The following LYPLAL1 variants were observed in gnomAD, a reference collection of about 807,000 sequenced individuals.
LYPLAL1 encodes the protein lysophospholipase-like protein 1.
LYPLAL1 carries 23 observed loss-of-function variants against 19.7 expected under a neutral mutation model. That is an observed-to-expected ratio of 1.17 (90% CI 0.84 to 1.65). The LOEUF is 1.65. Among genes scored for constraint, LYPLAL1 ranks in the 40% most tolerant of loss-of-function variants. The pLI is 0.00. For missense variants in LYPLAL1, 355 were observed against 279.4 expected, an observed-to-expected ratio of 1.27 and a Z score of -1.93; for synonymous variants, 119 against 96.3, an observed-to-expected ratio of 1.24 and a Z score of -1.38.
At chr1:219,406,910 A>G in the LYPLAL1 span, among the ~76,000 whole-genome samples, 435 of 152,344 alleles carry the variant, frequency 2.9e-3, 1 homozygote, top group Middle Eastern at 6.8e-3. Context: ...ATAAAATGAG[A>G]AGGATCTTAA....
At chr1:219,385,736 A>G in the LYPLAL1 span, among the ~76,000 whole-genome samples, 1 of 152,164 alleles carries the variant, frequency 6.6e-6, no homozygotes, top group South Asian at 2.1e-4. Flanking sequence ...AGAAATAAAG[A>G]TAAACAGAGT....
the LYPLAL1 span, among the ~76,000 whole-genome samples, chr1:219,393,201 A>G: frequency 2.6e-5 from 4 of 152,316 alleles, no homozygotes; most frequent in South Asian, 2.1e-4. Flanking sequence ...GTCTGAACAG[A>G]TGGCCATGAA....
At chr1:219,439,782 C>G in the LYPLAL1 span, among the ~76,000 whole-genome samples, 2 of 151,808 alleles carry the variant, frequency 1.3e-5, no homozygotes, top group East Asian at 3.9e-4. Flanking sequence ...TTATGGCCTT[C>G]TGGCTTTTAT....
the LYPLAL1 span, among the ~76,000 whole-genome samples, chr1:219,242,606 C>T: frequency 1.3e-5 from 2 of 151,934 alleles, no homozygotes; most frequent in East Asian, 3.9e-4. Flanking sequence ...TTATTATGTC[C>T]CTGTTCCATC....
At chr1:219,285,123 A>G in the LYPLAL1 span, among the ~76,000 whole-genome samples, 2 of 152,244 alleles carry the variant, frequency 1.3e-5, no homozygotes, top group African/African-American at 2.4e-5. Context: ...AAATTATTTA[A>G]AAATATTTGT....
chr1:219,218,004 T>C, the LYPLAL1 span, among the ~76,000 whole-genome samples: 1 of 152,010 alleles, frequency 6.6e-6, no homozygotes, highest in Non-Finnish European at 1.5e-5. Context: ...ATAGTTCTTC[T>C]GCTTGAAGTT....
chr1:219,220,214 G>GC, the LYPLAL1 span, among the ~76,000 whole-genome samples: 1 of 152,074 alleles, frequency 6.6e-6, no homozygotes, highest in African/African-American at 2.4e-5. Flanking sequence ...CCCTACTTTG[G>GC]CCCACATGGA....
At chr1:219,199,607 T>C (rs1337389473) in intron 3 of LYPLAL1, among the ~76,000 whole-genome samples, 1 of 114,724 alleles carries the variant, frequency 8.7e-6, no homozygotes, top group African/African-American at 2.8e-5. Flanking sequence ...CACGCCCGGC[T>C]AATTTTTTTT....
intron 2 of LYPLAL1, among the ~76,000 whole-genome samples, chr1:219,181,695 G>A (rs1656303496): frequency 6.6e-6 from 1 of 152,092 alleles, no homozygotes; most frequent in Non-Finnish European, 1.5e-5. Flanking sequence ...GGAATACATG[G>A]CTTTGGTTAA....
At chr1:219,250,303 CTTG>C in the LYPLAL1 span, among the ~76,000 whole-genome samples, 5 of 152,010 alleles carry the variant, frequency 3.3e-5, no homozygotes, top group East Asian at 1.9e-4. Context: ...CCCTGTTACC[CTTG>C]TTGTAATCTT....
chr1:219,401,986 C>T, the LYPLAL1 span, among the ~76,000 whole-genome samples: 1 of 152,122 alleles, frequency 6.6e-6, no homozygotes, highest in African/African-American at 2.4e-5. Context: ...TGCCCTAGAA[C>T]TTGGCCTCCT....
chr1:219,239,218 TATAAA>T, the LYPLAL1 span, among the ~76,000 whole-genome samples: 131 of 152,236 alleles, frequency 8.6e-4, no homozygotes, highest in Admixed American at 2.2e-3. Context: ...ATTGGGAAAT[TATAAA>T]ATAAATGAGA....
chr1:219,338,147 G>A, the LYPLAL1 span, among the ~76,000 whole-genome samples: 3 of 151,980 alleles, frequency 2.0e-5, no homozygotes, highest in East Asian at 3.9e-4. Flanking sequence ...AACCTAGACC[G>A]AAGCCAAAGG....
chr1:219,296,521 C>T, the LYPLAL1 span, among the ~76,000 whole-genome samples: 10 of 152,130 alleles, frequency 6.6e-5, no homozygotes, highest in Non-Finnish European at 1.3e-4. Context: ...AATTATCCAT[C>T]AACCAGGCAC....
At chr1:219,345,742 G>T in the LYPLAL1 span, among the ~76,000 whole-genome samples, 24 of 152,056 alleles carry the variant, frequency 1.6e-4, no homozygotes, top group Non-Finnish European at 3.1e-4. Context: ...GGTCACTGCT[G>T]TTCAGAAGAA....
the LYPLAL1 span, among the ~76,000 whole-genome samples, chr1:219,340,441 C>A: frequency 6.6e-6 from 1 of 151,986 alleles, no homozygotes; most frequent in South Asian, 2.1e-4. Flanking sequence ...AAGTGGTGAA[C>A]ACAACCAACC....
chr1:219,358,189 A>G, the LYPLAL1 span, among the ~76,000 whole-genome samples: 1 of 152,198 alleles, frequency 6.6e-6, no homozygotes, highest in Non-Finnish European at 1.5e-5. Context: ...AGATTTCAGG[A>G]TTGCATCCAG....
chr1:219,241,132 C>CTATATATATATATATATA, the LYPLAL1 span, among the ~76,000 whole-genome samples: 5 of 57,510 alleles, frequency 8.7e-5, no homozygotes, highest in Non-Finnish European at 1.5e-4. Context: ...CTCTCTCTCT[C>CTATATATATATATATATA]TCTATATATA....
At chr1:219,313,215 A>G in the LYPLAL1 span, among the ~76,000 whole-genome samples, 1 of 152,320 alleles carries the variant, frequency 6.6e-6, no homozygotes, top group Admixed American at 6.5e-5. Flanking sequence ...GGACAAGTGG[A>G]AAGGAGTTCA....
Sources: allele counts gnomAD v4.1 joint callset (sites outside exome capture counted in the v4.1 genomes callset), GRCh38; gene constraint gnomAD v4.1.1; transcripts MANE v1.5; gene names NCBI Gene and HGNC (gene_info 2026-07-23, HGNC 2026-07-21).